The following TRIM55 variants were observed in gnomAD, a reference collection of about 807,000 sequenced individuals.
TRIM55 encodes tripartite motif-containing protein 55.
TRIM55 carries 50 observed loss-of-function variants against 60.9 expected under a neutral mutation model. The observed-to-expected ratio is 0.82, with a 90% CI of 0.65 to 1.04. TRIM55 has a LOEUF of 1.04. TRIM55 is among the 50% of genes least tolerant of loss of function. The probability of loss-of-function intolerance (pLI) is 0.00; values close to 1 mark genes in which losing one functional copy is unlikely to be tolerated. For synonymous variants in TRIM55, 237 were observed against 238.1 expected (o/e 1.00, Z 0.04); for missense variants, 681 against 666.9 (o/e 1.02, Z -0.23).
At position 66,154,204 on chromosome 8, in the gene TRIM55, G is replaced by A. The variant is rs907916346; in HGVS notation, c.1394G>A (p.Gly465Asp). 20 of 1,613,934 alleles carry A rather than the reference G, an allele frequency of 1.2e-5. No homozygotes were observed. The African/African-American group carries it at 1.3e-4, about 11-fold the overall frequency. ...CCACCTTGCACCCCAGGGAGCGAAG[G>A]TCTGGGGCAAATAGGGCCTCCAGGT... ...TNPPCTPGSEGLGQIGPPGSE... is the reference protein window; with the variant it reads ...TNPPCTPGSEDLGQIGPPGSE... The change falls in exon 9 of 10, where the codon GGT becomes GAT. Residue 465 changes from glycine to aspartate, a missense_variant. By Grantham distance (94) the Gly-to-Asp change is moderately conservative. Coordinates refer to ENST00000315962, the MANE Select transcript of TRIM55 (RefSeq NM_184085.2).
intron 2 of TRIM55, among the ~76,000 whole-genome samples, chr8:66,130,723 T>C (rs1168780666): frequency 6.7e-6 from 1 of 149,494 alleles, no homozygotes; most frequent in African/African-American, 2.5e-5. Flanking sequence ...TGCAGTGGCG[T>C]GATCTTGGCT....
chr8:66,133,064 T>TA (rs1470309391), intron 2 of TRIM55, among the ~76,000 whole-genome samples: 1 of 152,194 alleles, frequency 6.6e-6, no homozygotes, highest in Non-Finnish European at 1.5e-5. Context: ...AAGGTGGAGA[T>TA]ACCTACGAGG....
the TRIM55 span, among the ~76,000 whole-genome samples, chr8:66,121,350 G>T: frequency 6.6e-6 from 1 of 152,236 alleles, no homozygotes. Context: ...AATTGCTCCC[G>T]ATCAGTTTCT....
At chr8:66,131,614 G>A (rs1029219994) in intron 2 of TRIM55, among the ~76,000 whole-genome samples, 4 of 152,098 alleles carry the variant, frequency 2.6e-5, no homozygotes, top group Admixed American at 6.5e-5. Context: ...TTATTTCTAT[G>A]GAGCACATCC....
At chr8:66,165,186 G>A (rs1010309691) in intron 9 of TRIM55, among the ~76,000 whole-genome samples, 3 of 152,144 alleles carry the variant, frequency 2.0e-5, no homozygotes, top group Non-Finnish European at 4.4e-5. Context: ...TGGACAATGG[G>A]CCAAAGTTCC....
At position 66,168,447 on chromosome 8, in the gene TRIM55, C is replaced by T. The variant is rs1372244849; in HGVS notation, c.1525-6024C>T. On this transcript the variant is annotated intron_variant, in intron 9 of 9. Coordinates refer to ENST00000315962, the MANE Select transcript of TRIM55 (RefSeq NM_184085.2). ...GGCTTGGTCTTTCTGAATAAACATT[C>T]TAAACTTGGTCTCAGCATTCCTACT... 2.0e-5 allele frequency among the ~76,000 whole-genome samples: 3 copies of T among 152,318 alleles called. No homozygotes were observed. In the East Asian group the frequency reaches 5.8e-4, roughly 29 times the overall value.
chr8:66,159,360 G>A (rs1810920735), intron 9 of TRIM55, among the ~76,000 whole-genome samples: 1 of 152,186 alleles, frequency 6.6e-6, no homozygotes, highest in Non-Finnish European at 1.5e-5. Context: ...TTTGTGGCAT[G>A]TATAGTATCT....
chr8:66,117,512 C>A, the TRIM55 span, among the ~76,000 whole-genome samples: 22 of 152,318 alleles, frequency 1.4e-4, no homozygotes, highest in African/African-American at 5.1e-4. Flanking sequence ...TCACATACAT[C>A]TTATTTCTCT....
At chr8:66,135,892 G>A (rs1316971158) in intron 3 of TRIM55, among the ~76,000 whole-genome samples, 2 of 152,112 alleles carry the variant, frequency 1.3e-5, no homozygotes, top group Non-Finnish European at 2.9e-5. Flanking sequence ...AAGTGGAGTT[G>A]GGTACTCCAA....
the TRIM55 span, among the ~76,000 whole-genome samples, chr8:66,113,984 G>C: frequency 6.6e-6 from 1 of 150,592 alleles, no homozygotes; most frequent in Non-Finnish European, 1.5e-5. Flanking sequence ...AGCTGTGCCC[G>C]CTCCCTTCGA....
chr8:66,157,435 G>C (rs1810806797), intron 9 of TRIM55, among the ~76,000 whole-genome samples: 1 of 152,156 alleles, frequency 6.6e-6, no homozygotes, highest in Non-Finnish European at 1.5e-5. Context: ...TTGCAGGTCT[G>C]ATTCACCTTC....
At chr8:66,118,507 A>C in the TRIM55 span, among the ~76,000 whole-genome samples, 3 of 152,206 alleles carry the variant, frequency 2.0e-5, no homozygotes, top group Non-Finnish European at 4.4e-5. Flanking sequence ...GACTGATGAC[A>C]CAGGCAGAGG....
chr8:66,155,563 A>G (rs750849888), intron 9 of TRIM55: 105 of 1,292,824 alleles, frequency 8.1e-5, no homozygotes, highest in Non-Finnish European at 1.1e-4. Flanking sequence ...CCATTGAAAT[A>G]ATGTTGAAAA....
At chr8:66,150,883 C>T (rs1217505521) in intron 7 of TRIM55, among the ~76,000 whole-genome samples, 2 of 152,190 alleles carry the variant, frequency 1.3e-5, no homozygotes, top group African/African-American at 2.4e-5. Context: ...CCAGGCTGGT[C>T]TCGAACTTCT....
upstream of TRIM55, among the ~76,000 whole-genome samples, chr8:66,125,692 G>T (rs1380765838): frequency 1.3e-5 from 2 of 152,064 alleles, no homozygotes; most frequent in Non-Finnish European, 2.9e-5. Flanking sequence ...ATATTGAAAG[G>T]ACTAAGATAA....
chr8:66,157,831 T>A (rs567366387), intron 9 of TRIM55, among the ~76,000 whole-genome samples: 1 of 152,234 alleles, frequency 6.6e-6, no homozygotes, highest in Admixed American at 6.5e-5. Flanking sequence ...ATACCTTACC[T>A]TCTCTCTTCA....
intron 5 of TRIM55, 28 bp downstream of exon 5, chr8:66,149,906 C>T (rs747231882): frequency 1.3e-6 from 2 of 1,562,272 alleles, no homozygotes; most frequent in East Asian, 4.5e-5. Flanking sequence ...ACCAAAGTAA[C>T]AACCCAAAAG....
At position 66,153,964 on chromosome 8, in the gene TRIM55, A is replaced by G. The variant is rs1261352568; in HGVS notation, c.1237-83A>G. 18 of 1,401,930 alleles carry G rather than the reference A, an allele frequency of 1.3e-5. No homozygotes were observed. In the Admixed American group the frequency reaches 3.7e-4, roughly 29 times the overall value. 86.8% of individuals were successfully genotyped at this position (1,401,930 alleles called of 1,614,324 possible). ...CAGGGAGCGCACAGTGTTCAAACCC[A>G]AAGGGAACTAAAATCAACTGCTTTT... On this transcript the variant is annotated intron_variant, in intron 8 of 9. Transcript: ENST00000315962.
At chr8:66,152,657 G>A (rs761087112) in intron 8 of TRIM55, 30 bp downstream of exon 8, 6 of 1,596,564 alleles carry the variant, frequency 3.8e-6, no homozygotes, top group South Asian at 3.3e-5. Context: ...TTTCTACAGG[G>A]CACATGGGCG....
Sources: gnomAD v4.1 joint callset for allele counts (sites outside exome capture counted in the v4.1 genomes callset) on GRCh38, gnomAD v4.1.1 for gene constraint, MANE v1.5 for transcripts, NCBI Gene and HGNC (gene_info 2026-07-23, HGNC 2026-07-21) for gene names.